The following CERS3 variants were observed in gnomAD, a reference collection of about 807,000 sequenced individuals.
CERS3 encodes LAG1 homolog, ceramide synthase 3.
In CERS3, 33 loss-of-function variants were observed where a neutral mutation model predicts 50.3. The observed-to-expected ratio is 0.66, with a 90% confidence interval of 0.50 to 0.88. The LOEUF (loss-of-function observed/expected upper bound fraction) is 0.88. Ranked by LOEUF, CERS3 falls within the 40% of genes least tolerant of loss-of-function variation. CERS3 has a pLI of 0.00. For synonymous variants in CERS3, 176 were observed against 155.2 expected (o/e 1.13, Z -0.99); for missense variants, 470 against 460.3 (o/e 1.02, Z -0.19).
chr15:100,402,645 G>C lies in CERS3; in HGVS notation c.*68C>G. 2 of 1,515,958 alleles carry C rather than the reference G, an allele frequency of 1.3e-6. No individual in the cohort carries two copies. The highest frequency in any genetic ancestry group is 1.8e-6 in the Non-Finnish European group (2 of 1,114,096). The allele number at this position is 1,515,958 out of a possible 1,614,324, so 93.9% of individuals were successfully genotyped here. A position where few individuals can be genotyped will look rare whatever the true frequency, so the allele number is the denominator to read the frequency against. On this transcript the variant is annotated 3_prime_UTR_variant, in exon 12 of 12. Transcript: ENST00000679737. ...AGGGCAGAATGTGGGGTCGGTGTGG[G>C]GCCTGGAAGCCAGGCTGCCAACAGT... is the stretch of plus-strand genomic sequence containing the variant.
chr15:100,425,245 G>C (rs1330373977), intron 11 of CERS3, among the ~76,000 whole-genome samples: 4 of 152,174 alleles, frequency 2.6e-5, no homozygotes, highest in African/African-American at 9.7e-5. Flanking sequence ...GCGAGAAGAG[G>C]GCCACAGTCC....
intron 1 of CERS3, among the ~76,000 whole-genome samples, chr15:100,534,561 G>A (rs1248130795): frequency 1.3e-5 from 2 of 150,760 alleles, no homozygotes; most frequent in Non-Finnish European, 1.5e-5. Flanking sequence ...AATCGCTTAG[G>A]GCAAACCTGC....
intron 11 of CERS3, among the ~76,000 whole-genome samples, chr15:100,441,772 G>A (rs1236478374): frequency 2.0e-5 from 3 of 149,588 alleles, no homozygotes; most frequent in East Asian, 2.0e-4. Context: ...TGAGGTGCCT[G>A]ACGTCCAGGC....
At chr15:100,467,388 G>C (rs1477400349) in intron 10 of CERS3, among the ~76,000 whole-genome samples, 2 of 152,020 alleles carry the variant, frequency 1.3e-5, no homozygotes, top group Admixed American at 6.6e-5. Context: ...CTGCAACCTG[G>C]GTGTATGTTT....
intron 4 of CERS3, among the ~76,000 whole-genome samples, chr15:100,486,435 C>T (rs2035486424): frequency 6.6e-6 from 1 of 152,202 alleles, no homozygotes; most frequent in African/African-American, 2.4e-5. Context: ...TGCTACCCAC[C>T]TCCGAGGGAT....
At chr15:100,424,904 A>T (rs2032709882) in intron 11 of CERS3, among the ~76,000 whole-genome samples, 1 of 152,192 alleles carries the variant, frequency 6.6e-6, no homozygotes, top group Non-Finnish European at 1.5e-5. Flanking sequence ...ATGGGGAAAA[A>T]TGCCTCCAAG....
intron 11 of CERS3, among the ~76,000 whole-genome samples, chr15:100,446,912 T>G (rs895172702): frequency 6.6e-6 from 1 of 152,142 alleles, no homozygotes; most frequent in African/African-American, 2.4e-5. Context: ...AACAGAGATC[T>G]TAAGACTGAC....
chr15:100,471,527 G>C (rs56178979), intron 9 of CERS3, among the ~76,000 whole-genome samples: 6,353 of 152,206 alleles, frequency 0.042, 183 homozygotes, highest in Non-Finnish European at 0.056. Flanking sequence ...TTGAATATGA[G>C]GGTTTAGAAG....
At chr15:100,405,467 A>C (rs1267167827) in intron 11 of CERS3, among the ~76,000 whole-genome samples, 1 of 152,218 alleles carries the variant, frequency 6.6e-6, no homozygotes, top group Non-Finnish European at 1.5e-5. Context: ...AAGGACGCAA[A>C]ACAATTGGAA....
At chr15:100,465,783 C>T (rs1024786440) in intron 10 of CERS3, among the ~76,000 whole-genome samples, 2 of 151,964 alleles carry the variant, frequency 1.3e-5, no homozygotes, top group African/African-American at 4.8e-5. Context: ...CTCAGCCTCC[C>T]GAGTAGCTGG....
chr15:100,412,083 G>A (rs1221596708), intron 11 of CERS3, among the ~76,000 whole-genome samples: 1 of 152,096 alleles, frequency 6.6e-6, no homozygotes, highest in Non-Finnish European at 1.5e-5. Flanking sequence ...TCTGTTGATG[G>A]TGTCTTTTGA....
chr15:100,459,665 C>T (rs1042206573), intron 10 of CERS3, among the ~76,000 whole-genome samples: 1 of 152,130 alleles, frequency 6.6e-6, no homozygotes, highest in African/African-American at 2.4e-5. Context: ...AAAGAGTAGA[C>T]TCATTTTACA....
intron 11 of CERS3, among the ~76,000 whole-genome samples, chr15:100,433,285 T>C (rs1263037885): frequency 2.6e-5 from 4 of 151,142 alleles, no homozygotes; most frequent in African/African-American, 4.9e-5. Flanking sequence ...TGCAAATGAC[T>C]TGAGGACTTC....
At chr15:100,457,938 G>T (rs1272263365) in intron 10 of CERS3, among the ~76,000 whole-genome samples, 2 of 152,132 alleles carry the variant, frequency 1.3e-5, no homozygotes, top group African/African-American at 4.8e-5. Context: ...ACAACTTGAT[G>T]TATATAGTCT....
chr15:100,484,518 A>C, intron 5 of CERS3, 32 bp downstream of exon 5: 1 of 1,420,588 alleles, frequency 7.0e-7, no homozygotes, highest in Middle Eastern at 1.8e-4. Flanking sequence ...ATAGGACGGC[A>C]GCATTCCTAA....
intron 3 of CERS3, among the ~76,000 whole-genome samples, chr15:100,491,357 C>T (rs541671443): frequency 8.5e-5 from 13 of 152,168 alleles, no homozygotes; most frequent in Admixed American, 5.9e-4. Context: ...AACTCTAGGG[C>T]AAATACGTAA....
chr15:100,535,183 G>A (rs1358132792), intron 1 of CERS3, among the ~76,000 whole-genome samples: 1 of 152,128 alleles, frequency 6.6e-6, no homozygotes, highest in African/African-American at 2.4e-5. Context: ...GGCATCCATA[G>A]TATATTTAAT....
intron 3 of CERS3, among the ~76,000 whole-genome samples, chr15:100,501,329 G>A (rs900960483): frequency 1.3e-5 from 2 of 152,142 alleles, no homozygotes; most frequent in African/African-American, 4.8e-5. Context: ...GCCTTTCTGG[G>A]AATGCACATG....
intron 8 of CERS3, 87 bp from the exon 9 acceptor site, chr15:100,473,139 C>A: frequency 2.2e-6 from 3 of 1,334,970 alleles, no homozygotes; most frequent in Non-Finnish European, 2.0e-6. Context: ...ATAATGAGAC[C>A]AATAACTTAC....
Sources: allele counts gnomAD v4.1 joint callset (sites outside exome capture counted in the v4.1 genomes callset), GRCh38; gene constraint gnomAD v4.1.1; transcripts MANE v1.5; gene names NCBI Gene and HGNC (gene_info 2026-07-23, HGNC 2026-07-21).